The following CSGALNACT1 variants were observed in gnomAD, a reference collection of about 807,000 sequenced individuals.
The protein encoded by CSGALNACT1 is chondroitin sulfate N-acetylgalactosaminyltransferase 1.
In CSGALNACT1, 52 loss-of-function variants were observed where a neutral mutation model predicts 51.0. The observed-to-expected ratio is 1.02, with a 90% CI of 0.82 to 1.29. The LOEUF is 1.29. CSGALNACT1 is among the 50% of genes most tolerant of loss of function. The probability of loss-of-function intolerance (pLI) is 0.00; values close to 1 mark genes in which losing one functional copy is unlikely to be tolerated. For missense variants in CSGALNACT1, 935 were observed against 679.2 expected (o/e 1.38, Z -4.19); for synonymous variants, 341 against 254.4 (o/e 1.34, Z -3.24).
rs541715944 is a variant in CSGALNACT1 at position 19,589,326 on chromosome 8, TTTTG to T, written c.-297+1830_-297+1833del. On this transcript the variant is annotated intron_variant, in intron 3 of 9. Transcript: ENST00000454498. ...GTCCCCCAGTTCCTTTTAGGAAGGT[TTTTG>T]TTTGTTTGTTTTTGAGATGGAGTCT... 1.6e-3 allele frequency among the ~76,000 whole-genome samples: 239 copies of T among 152,264 alleles called. 3 individuals carry two copies. Among genetic ancestry groups the T allele is most frequent in the Admixed American group, 4.1e-3 (63 of 15,292 alleles).
intron 1 of CSGALNACT1, among the ~76,000 whole-genome samples, chr8:19,627,050 G>C (rs2054548673): frequency 6.6e-6 from 1 of 152,116 alleles, no homozygotes; most frequent in East Asian, 1.9e-4. Context: ...TCATACCCTT[G>C]GGTATTTATC....
chr8:19,630,194 CTGTGTGTG>C (rs55947851), intron 1 of CSGALNACT1, among the ~76,000 whole-genome samples: 22,022 of 137,694 alleles, frequency 0.16, 1,729 homozygotes, highest in Admixed American at 0.25. Context: ...TCCCACGTCT[CTGTGTGTG>C]TGTGTGTGTG....
At chr8:19,684,973 A>G (rs895506167), upstream of CSGALNACT1, among the ~76,000 whole-genome samples, 1 of 152,218 alleles carries the variant, frequency 6.6e-6, no homozygotes, top group African/African-American at 2.4e-5. Flanking sequence ...TTCTACTGTA[A>G]CAGCACTCAC....
upstream of CSGALNACT1, among the ~76,000 whole-genome samples, chr8:19,684,284 T>C (rs992675670): frequency 1.1e-4 from 16 of 152,096 alleles, no homozygotes; most frequent in Non-Finnish European, 1.9e-4. Flanking sequence ...ATTTATTATA[T>C]GGTAAAGGTG....
intron 1 of CSGALNACT1, among the ~76,000 whole-genome samples, chr8:19,749,746 A>C (rs1474725897): frequency 1.3e-5 from 2 of 152,212 alleles, no homozygotes. Context: ...CCCAGCTCAG[A>C]GGGGGTCAGG....
intron 1 of CSGALNACT1, among the ~76,000 whole-genome samples, chr8:19,638,265 C>T (rs900331324): frequency 1.3e-5 from 2 of 151,778 alleles, no homozygotes; most frequent in African/African-American, 4.8e-5. Flanking sequence ...TGAGAGGCTG[C>T]CCTCCCTGCC....
At chr8:19,654,823 G>A (rs1159360231) in intron 1 of CSGALNACT1, among the ~76,000 whole-genome samples, 1 of 152,130 alleles carries the variant, frequency 6.6e-6, no homozygotes, top group Non-Finnish European at 1.5e-5. Context: ...TAGGATTACA[G>A]GCATGAGCCA....
intron 1 of CSGALNACT1, among the ~76,000 whole-genome samples, chr8:19,643,812 A>T (rs35446114): frequency 0.09 from 13,684 of 152,278 alleles, 676 homozygotes; most frequent in Middle Eastern, 0.14. Context: ...TATTGAGTCC[A>T]GGCTTCCATC....
chr8:19,503,336 C>A (rs1349776245), intron 4 of CSGALNACT1, among the ~76,000 whole-genome samples: 1 of 152,118 alleles, frequency 6.6e-6, no homozygotes, highest in African/African-American at 2.4e-5. Context: ...AGCCTCAGAG[C>A]AAATATACTG....
At chr8:19,747,173 G>A (rs2064726262) in intron 1 of CSGALNACT1, among the ~76,000 whole-genome samples, 1 of 152,144 alleles carries the variant, frequency 6.6e-6, no homozygotes, top group South Asian at 2.1e-4. Flanking sequence ...TGAGACGACA[G>A]GGGAAAAATG....
intron 4 of CSGALNACT1, among the ~76,000 whole-genome samples, chr8:19,499,809 G>C (rs563642804): frequency 6.6e-6 from 1 of 152,194 alleles, no homozygotes. Flanking sequence ...GATTAAGAAT[G>C]TCAATTCTGA....
chr8:19,623,266 A>T (rs1446338427), intron 1 of CSGALNACT1, among the ~76,000 whole-genome samples: 1 of 152,202 alleles, frequency 6.6e-6, no homozygotes, highest in Non-Finnish European at 1.5e-5. Flanking sequence ...ACAAAGAAAA[A>T]AGTGGATGAA....
intron 4 of CSGALNACT1, among the ~76,000 whole-genome samples, chr8:19,496,154 G>A (rs889815463): frequency 5.3e-5 from 8 of 152,166 alleles, no homozygotes; most frequent in Non-Finnish European, 8.8e-5. Context: ...TATGGCATTT[G>A]GGAGAAGAAA....
intron 3 of CSGALNACT1, among the ~76,000 whole-genome samples, chr8:19,513,618 G>C (rs1225112933): frequency 6.6e-6 from 1 of 151,888 alleles, no homozygotes; most frequent in Non-Finnish European, 1.5e-5. Flanking sequence ...AATGTTCTGA[G>C]AGATGCATCA....
intron 1 of CSGALNACT1, among the ~76,000 whole-genome samples, chr8:19,743,289 C>T (rs894474727): frequency 1.3e-5 from 2 of 152,128 alleles, no homozygotes; most frequent in Admixed American, 1.3e-4. Context: ...GAGTACGCAG[C>T]AATAAACTGG....
intron 1 of CSGALNACT1, among the ~76,000 whole-genome samples, chr8:19,658,014 A>G (rs2058433235): frequency 6.7e-6 from 1 of 148,740 alleles, no homozygotes; most frequent in Admixed American, 6.9e-5. Context: ...TAGTGATAGA[A>G]TAATTAATTA....
At chr8:19,459,364 C>T (rs372038482) in intron 4 of CSGALNACT1, among the ~76,000 whole-genome samples, 38 of 110,728 alleles carry the variant, frequency 3.4e-4, no homozygotes, top group African/African-American at 1.4e-3. Context: ...GTATGGGCAA[C>T]AGAGCGAAAC....
At chr8:19,447,875 T>C (rs1053501085) in intron 5 of CSGALNACT1, among the ~76,000 whole-genome samples, 1 of 152,198 alleles carries the variant, frequency 6.6e-6, no homozygotes, top group Non-Finnish European at 1.5e-5. Context: ...AGGCTTTCTT[T>C]ACAGCAAACA....
chr8:19,567,313 A>T (rs1234286427), intron 3 of CSGALNACT1, among the ~76,000 whole-genome samples: 1 of 152,230 alleles, frequency 6.6e-6, no homozygotes, highest in African/African-American at 2.4e-5. Flanking sequence ...AGCCAGGAAA[A>T]AGAGTAGAAG....
Sources: gnomAD v4.1 joint callset for allele counts (sites outside exome capture counted in the v4.1 genomes callset) on GRCh38, gnomAD v4.1.1 for gene constraint, MANE v1.5 for transcripts, NCBI Gene and HGNC (gene_info 2026-07-23, HGNC 2026-07-21) for gene names.